Variants in SEMA5A observed in about 807,000 individuals in gnomAD.
SEMA5A encodes the protein semaphorin-5A.
Under a neutral mutation model 135.5 loss-of-function variants are expected in SEMA5A, and 55 were observed. That is an observed-to-expected ratio of 0.41 (90% CI 0.33 to 0.51). The LOEUF is 0.51. Ranked by LOEUF, SEMA5A falls within the 20% of genes least tolerant of loss-of-function variation. SEMA5A has a pLI of 0.37. For synonymous variants in SEMA5A, 580 were observed against 546.5 expected, an observed-to-expected ratio of 1.06 and a Z score of -0.85; for missense variants, 1,290 against 1,419.9, an observed-to-expected ratio of 0.91 and a Z score of 1.47.
chr5:9,353,897 C>G (rs1011535579), intron 3 of SEMA5A, among the ~76,000 whole-genome samples: 1 of 151,858 alleles, frequency 6.6e-6, no homozygotes, highest in African/African-American at 2.4e-5. Flanking sequence ...GCCTCACCCC[C>G]AGGCTTGCTT....
intron 11 of SEMA5A, among the ~76,000 whole-genome samples, chr5:9,176,941 CATTGCTTAA>C (rs1744239403): frequency 1.3e-5 from 2 of 152,196 alleles, no homozygotes; most frequent in South Asian, 4.1e-4. Context: ...AAATATACCC[CATTGCTTAA>C]AATAACCCAA....
intron 3 of SEMA5A, among the ~76,000 whole-genome samples, chr5:9,347,204 G>C (rs2150741839): frequency 6.6e-6 from 1 of 152,268 alleles, no homozygotes; most frequent in African/African-American, 2.4e-5. Context: ...AAAAATGCAA[G>C]CAGTGCTTTT....
At chr5:9,069,604 C>T (rs1737663999) in intron 16 of SEMA5A, among the ~76,000 whole-genome samples, 1 of 151,942 alleles carries the variant, frequency 6.6e-6, no homozygotes, top group Admixed American at 6.6e-5. Flanking sequence ...ATTTTTTTTA[C>T]AGCGGATAAC....
intron 3 of SEMA5A, among the ~76,000 whole-genome samples, chr5:9,370,489 GA>G (rs1755091976): frequency 6.6e-6 from 1 of 152,138 alleles, no homozygotes; most frequent in African/African-American, 2.4e-5. Flanking sequence ...CTCACTCATG[GA>G]ACATGTGTGA....
chr5:9,504,889 A>G (rs1735791839), intron 1 of SEMA5A, among the ~76,000 whole-genome samples: 1 of 152,236 alleles, frequency 6.6e-6, no homozygotes, highest in South Asian at 2.1e-4. Context: ...CTCATTTTTC[A>G]ATCTATCACC....
intron 2 of SEMA5A, among the ~76,000 whole-genome samples, chr5:9,392,933 C>A (rs1465269145): frequency 6.6e-6 from 1 of 152,208 alleles, no homozygotes; most frequent in East Asian, 1.9e-4. Context: ...TGGAAAAGTA[C>A]AAGTTAGTTC....
chr5:9,266,395 T>C (rs1749684950), intron 5 of SEMA5A, among the ~76,000 whole-genome samples: 1 of 152,232 alleles, frequency 6.6e-6, no homozygotes, highest in Non-Finnish European at 1.5e-5. Context: ...GAGGGTTTCC[T>C]GTTATTCGTG....
In SEMA5A at chr5:9,037,442, G is replaced by A. The variant is rs1735711914; in HGVS notation, c.*5455C>T. On this transcript the variant is annotated 3_prime_UTR_variant, in exon 23 of 23. Transcript: ENST00000382496. ...AATGTGAACTCTATTTTCAAAAGTGGATAGGATTCCCTTCCTCATGCTTCT... is the reference window on the plus strand; with the variant it reads ...AATGTGAACTCTATTTTCAAAAGTGAATAGGATTCCCTTCCTCATGCTTCT... 1 of 152,166 alleles carries A rather than the reference G, an allele frequency of 6.6e-6. No homozygotes were observed. The highest frequency in any genetic ancestry group is 6.5e-5 in the Admixed American group (1 of 15,286). The allele number at this position is 152,166 out of a possible 1,614,324, so 9.4% of individuals were successfully genotyped here.
chr5:9,173,231 T>TA (rs1744020789), intron 11 of SEMA5A, among the ~76,000 whole-genome samples: 1 of 151,726 alleles, frequency 6.6e-6, no homozygotes, highest in Non-Finnish European at 1.5e-5. Flanking sequence ...ATTTTGCACT[T>TA]ACTACAGTCA....
chr5:9,195,135 C>T (rs951496626), intron 10 of SEMA5A, among the ~76,000 whole-genome samples: 1 of 152,136 alleles, frequency 6.6e-6, no homozygotes, highest in African/African-American at 2.4e-5. Flanking sequence ...TATGCATTTA[C>T]ACAACATTTG....
At chr5:9,164,122 T>C (rs571329975) in intron 11 of SEMA5A, among the ~76,000 whole-genome samples, 18 of 110,354 alleles carry the variant, frequency 1.6e-4, no homozygotes, top group African/African-American at 5.0e-4. Context: ...ATTATAAATA[T>C]ATCATATAAA....
At chr5:9,208,975 G>A (rs1266224501) in intron 8 of SEMA5A, among the ~76,000 whole-genome samples, 1 of 152,172 alleles carries the variant, frequency 6.6e-6, no homozygotes, top group African/African-American at 2.4e-5. Flanking sequence ...GGAGTGGAAA[G>A]ACAGTTCTAG....
At chr5:9,532,494 G>C (rs3846589) in intron 1 of SEMA5A, among the ~76,000 whole-genome samples, 2 of 146,842 alleles carry the variant, frequency 1.4e-5, no homozygotes, top group Admixed American at 6.8e-5. Context: ...TGCCATGTTG[G>C]CCAGCCTGGT....
intron 4 of SEMA5A, among the ~76,000 whole-genome samples, chr5:9,320,370 G>A (rs891966257): frequency 6.6e-6 from 1 of 152,146 alleles, no homozygotes; most frequent in Non-Finnish European, 1.5e-5. Context: ...AATATTACAG[G>A]AAAGTCTTTT....
chr5:9,532,927 G>C (rs76627801), intron 1 of SEMA5A, among the ~76,000 whole-genome samples: 345 of 152,294 alleles, frequency 2.3e-3, no homozygotes, highest in African/African-American at 7.6e-3. Flanking sequence ...CCAAAAGACT[G>C]TCATCTTCTA....
chr5:9,047,175 C>G (rs1579297496), intron 21 of SEMA5A, among the ~76,000 whole-genome samples: 1 of 152,212 alleles, frequency 6.6e-6, no homozygotes, highest in Non-Finnish European at 1.5e-5. Flanking sequence ...TGTTAGCACT[C>G]TCAGGGTCAA....
intron 1 of SEMA5A, chr5:9,517,233 A>G (rs1344378411): frequency 6.6e-6 from 1 of 152,246 alleles, no homozygotes; most frequent in African/African-American, 2.4e-5. Flanking sequence ...CCTATGGGGA[A>G]TGCCACATTT....
intron 5 of SEMA5A, among the ~76,000 whole-genome samples, chr5:9,267,390 A>C (rs1749740293): frequency 6.6e-6 from 1 of 152,148 alleles, no homozygotes; most frequent in African/African-American, 2.4e-5. Context: ...AGTTCATTGA[A>C]TCTTTGGTCC....
intron 2 of SEMA5A, among the ~76,000 whole-genome samples, chr5:9,430,929 G>A (rs1729461267): frequency 6.6e-6 from 1 of 151,434 alleles, no homozygotes; most frequent in South Asian, 2.1e-4. Flanking sequence ...TTCTTAGGAT[G>A]ATAGATGTTT....
Sources: gnomAD v4.1 joint callset for allele counts (sites outside exome capture counted in the v4.1 genomes callset) on GRCh38, gnomAD v4.1.1 for gene constraint, MANE v1.5 for transcripts, NCBI Gene and HGNC (gene_info 2026-07-23, HGNC 2026-07-21) for gene names.